The following ADAM23 variants were observed in gnomAD, a reference collection of about 807,000 sequenced individuals.
ADAM23 encodes the protein ADAM metallopeptidase domain 23.
In ADAM23, 33 loss-of-function variants were observed where a neutral mutation model predicts 120.1. The ratio of observed to expected loss-of-function variants is 0.27; its 90% CI spans 0.21 to 0.37. The LOEUF (loss-of-function observed/expected upper bound fraction) is 0.37. Ranked by LOEUF, ADAM23 falls within the 10% of genes least tolerant of loss-of-function variation. The pLI is 1.00. For missense variants in ADAM23, 862 were observed against 1,058.2 expected (o/e 0.81, Z 2.57); for synonymous variants, 367 against 375.2 (o/e 0.98, Z 0.25).
chr2:206,523,402 C>T (rs933694677), intron 3 of ADAM23, among the ~76,000 whole-genome samples: 3 of 152,184 alleles, frequency 2.0e-5, no homozygotes, highest in Admixed American at 6.5e-5. Flanking sequence ...CAGCCCTTGC[C>T]GGGCATGCCA....
At chr2:206,495,656 A>G (rs566114016) in intron 3 of ADAM23, among the ~76,000 whole-genome samples, 27 of 152,290 alleles carry the variant, frequency 1.8e-4, no homozygotes, top group African/African-American at 6.0e-4. Context: ...AACAATACTA[A>G]CCTTAAATAT....
chr2:206,590,616 T>G (rs1698408071), intron 21 of ADAM23, among the ~76,000 whole-genome samples: 1 of 152,198 alleles, frequency 6.6e-6, no homozygotes, highest in Admixed American at 6.5e-5. Context: ...TTTACAAAAC[T>G]TTGCATTTCC....
At chr2:206,518,268 G>A (rs1696773778) in intron 3 of ADAM23, among the ~76,000 whole-genome samples, 1 of 152,102 alleles carries the variant, frequency 6.6e-6, no homozygotes, top group African/African-American at 2.4e-5. Flanking sequence ...TTAGAGAATC[G>A]AGTGTAAATA....
intron 24 of ADAM23, among the ~76,000 whole-genome samples, chr2:206,600,864 A>G (rs1407011615): frequency 6.6e-6 from 1 of 152,220 alleles, no homozygotes; most frequent in East Asian, 1.9e-4. Context: ...ATTTTTTAAA[A>G]AAGATTTTTG....
chr2:206,607,808 T>C, intron 24 of ADAM23: 1 of 262,998 alleles, frequency 3.8e-6, no homozygotes, highest in Non-Finnish European at 7.5e-6. Flanking sequence ...TGTAGTACAA[T>C]ATAGATTGTC....
intron 3 of ADAM23, among the ~76,000 whole-genome samples, chr2:206,493,527 C>A (rs1696175511): frequency 6.6e-6 from 1 of 152,184 alleles, no homozygotes; most frequent in Non-Finnish European, 1.5e-5. Flanking sequence ...CATCCGCCAC[C>A]ACGCCCAGCT....
intron 1 of ADAM23, among the ~76,000 whole-genome samples, chr2:206,445,005 C>T (rs1370466840): frequency 6.6e-6 from 1 of 150,776 alleles, no homozygotes; most frequent in African/African-American, 2.4e-5. Flanking sequence ...TCTACCCCCC[C>T]CCCAACACTT....
intron 3 of ADAM23, among the ~76,000 whole-genome samples, chr2:206,488,038 A>G (rs1349012011): frequency 6.6e-6 from 1 of 152,252 alleles, no homozygotes; most frequent in African/African-American, 2.4e-5. Context: ...ATGCTGATTT[A>G]AAGAAATACA....
intron 2 of ADAM23, among the ~76,000 whole-genome samples, chr2:206,447,203 G>C (rs551719362): frequency 1.3e-5 from 2 of 152,256 alleles, no homozygotes; most frequent in African/African-American, 2.4e-5. Context: ...CCTGACTTCC[G>C]TGATAATAAG....
chr2:206,605,873 G>A (rs558590605), intron 24 of ADAM23: 1 of 678,708 alleles, frequency 1.5e-6, no homozygotes, highest in Non-Finnish European at 2.6e-6. Context: ...CACAGGGTGG[G>A]GAATAGAGTA....
intron 3 of ADAM23, among the ~76,000 whole-genome samples, chr2:206,501,164 C>T (rs950849517): frequency 2.0e-5 from 3 of 151,998 alleles, no homozygotes; most frequent in Non-Finnish European, 4.4e-5. Context: ...TAAAAATGAG[C>T]TTCCTTTTTA....
chr2:206,511,277 T>C (rs952369261), intron 3 of ADAM23, among the ~76,000 whole-genome samples: 1 of 152,216 alleles, frequency 6.6e-6, no homozygotes, highest in South Asian at 2.1e-4. Context: ...GATCAGAGTA[T>C]TTGAACATTT....
chr2:206,567,227 TC>T lies in ADAM23; in HGVS notation c.1402del (p.His468IlefsTer97). 6.2e-7 allele frequency: 1 copy of T among 1,611,160 alleles called. No individual in the cohort carries two copies. The highest frequency in any genetic ancestry group is 8.5e-7 in the Non-Finnish European group (1 of 1,177,626). ...GTTGATTCTTTGTTTCCTCAGGGTG[TC>T]CCATTCTCGAAAATTTTCAAAGTGC... ...GGCIMEETGV[S>X]HSRKFSKCSI... On this transcript the variant is annotated frameshift_variant, in exon 15 of 26. Coordinates refer to ENST00000264377, the MANE Select transcript of ADAM23 (RefSeq NM_003812.4). LOFTEE classifies it high-confidence loss of function.
At chr2:206,532,442 AAAACTT>A (rs527521306) in intron 4 of ADAM23, among the ~76,000 whole-genome samples, 111 of 152,296 alleles carry the variant, frequency 7.3e-4, no homozygotes, top group African/African-American at 2.5e-3. Context: ...AGTTGTAACT[AAAACTT>A]AAAAGGTATT....
intron 25 of ADAM23, among the ~76,000 whole-genome samples, chr2:206,610,314 G>A (rs1380115969): frequency 6.6e-6 from 1 of 152,188 alleles, no homozygotes. Flanking sequence ...ACAGGAAATC[G>A]AGGAAACCAT....
intron 4 of ADAM23, 80 bp downstream of exon 4, chr2:206,531,028 G>C: frequency 1.8e-6 from 2 of 1,123,384 alleles, no homozygotes; most frequent in Non-Finnish European, 2.5e-6. Context: ...GCGTTGTTTT[G>C]ACGTCTGTCT....
chr2:206,472,973 C>CTTAAGCTTAA (rs1695692112), intron 2 of ADAM23, among the ~76,000 whole-genome samples: 1 of 152,128 alleles, frequency 6.6e-6, no homozygotes, highest in South Asian at 2.1e-4. Flanking sequence ...AGCCTTCAAA[C>CTTAAGCTTAA]GGTATGACTT....
At chr2:206,522,048 A>G (rs1696854147) in intron 3 of ADAM23, among the ~76,000 whole-genome samples, 2 of 151,968 alleles carry the variant, frequency 1.3e-5, no homozygotes, top group Admixed American at 6.6e-5. Flanking sequence ...TCTTTTTTTC[A>G]TGAGTTGCAT....
Position 206,581,461 on chromosome 2 carries a change from A to G in ADAM23, c.1738-5864A>G, listed in dbSNP as rs565742675. On this transcript the variant is annotated intron_variant, in intron 18 of 25. Coordinates refer to ENST00000264377, the MANE Select transcript of ADAM23 (RefSeq NM_003812.4). ...CAGTTCGAAGAATGTTTTAATTTCC[A>G]TCTTGGTTTTGTTTTTGACCCAATG... Among the ~76,000 whole-genome samples, 199 of 152,096 alleles carry G rather than the reference A, an allele frequency of 1.3e-3. 2 individuals are homozygous for G. Among genetic ancestry groups the G allele is most frequent in the African/African-American group, 4.6e-3 (192 of 41,476 alleles).
Sources: gnomAD v4.1 joint callset for allele counts (sites outside exome capture counted in the v4.1 genomes callset) on GRCh38, gnomAD v4.1.1 for gene constraint, MANE v1.5 for transcripts, NCBI Gene and HGNC (gene_info 2026-07-23, HGNC 2026-07-21) for gene names.